The following MOB4 variants were observed in gnomAD, a reference collection of about 807,000 sequenced individuals.
MOB4 encodes MOB-like protein phocein.
MOB4 carries 4 observed loss-of-function variants against 32.2 expected under a neutral mutation model. The observed-to-expected ratio is 0.12, with a 90% CI of 0.06 to 0.28. The LOEUF (loss-of-function observed/expected upper bound fraction) is 0.28, where lower values mean the gene tolerates loss of function less well. MOB4 is among the 10% of genes least tolerant of loss of function. MOB4 has a pLI of 1.00. For missense variants in MOB4, 158 were observed against 271.2 expected, an observed-to-expected ratio of 0.58 and a Z score of 2.93; for synonymous variants, 88 against 88.1, an observed-to-expected ratio of 1.00 and a Z score of 0.01.
At chr2:197,520,074 G>A (rs1222424475) in intron 1 of MOB4, among the ~76,000 whole-genome samples, 1 of 152,008 alleles carries the variant, frequency 6.6e-6, no homozygotes. Flanking sequence ...TGCTACTATA[G>A]TTGAATCCTT....
At chr2:197,543,587 T>C (rs1445641685) in intron 5 of MOB4, among the ~76,000 whole-genome samples, 1 of 152,196 alleles carries the variant, frequency 6.6e-6, no homozygotes, top group African/African-American at 2.4e-5. Context: ...GTATGTATTA[T>C]GTGGAGTGAA....
chr2:197,546,890 T>C (rs2087004210), intron 5 of MOB4, among the ~76,000 whole-genome samples: 1 of 152,100 alleles, frequency 6.6e-6, no homozygotes. Context: ...ACACACATTT[T>C]GTATGTTCTG....
At chr2:197,516,019 C>T (rs775508893), upstream of MOB4, 4 of 1,498,180 alleles carry the variant, frequency 2.7e-6, no homozygotes, top group Non-Finnish European at 3.6e-6. Flanking sequence ...GCCGCTCTGC[C>T]CCGCCCCCCG....
intron 2 of MOB4, among the ~76,000 whole-genome samples, chr2:197,525,878 G>A (rs2086604122): frequency 6.6e-6 from 1 of 152,136 alleles, no homozygotes; most frequent in Non-Finnish European, 1.5e-5. Context: ...TGTACAGATG[G>A]TTATCTCTTT....
In MOB4 at chr2:197,538,239, TCA is replaced by T. The variant is rs1322674848; in HGVS notation, c.225-1869_225-1868del. 4.6e-5 allele frequency among the ~76,000 whole-genome samples: 7 copies of T among 152,214 alleles called. 1 individual carries two copies. The South Asian group carries it at 1.0e-3, about 23-fold the overall frequency. ...CATAAAACTTTACATGAAATATTTC[TCA>T]CAAGTATTTCATTTGTTCTGGTGCT... On this transcript the variant is annotated intron_variant, in intron 3 of 7. Coordinates refer to ENST00000323303, the MANE Select transcript of MOB4 (RefSeq NM_015387.5).
chr2:197,535,654 A>C, intron 3 of MOB4, 24 bp downstream of exon 3: 1 of 1,586,384 alleles, frequency 6.3e-7, no homozygotes, highest in South Asian at 1.2e-5. Context: ...TCAAAATACT[A>C]ATAGTACCTC....
chr2:197,549,929 C>G (rs1316381534), intron 6 of MOB4, among the ~76,000 whole-genome samples: 1 of 151,232 alleles, frequency 6.6e-6, no homozygotes, highest in Non-Finnish European at 1.5e-5. Flanking sequence ...AACAATAATT[C>G]CTTTCAGGAG....
chr2:197,550,700 A>C lies in MOB4; in HGVS notation c.*54A>C. 6.6e-7 allele frequency: 1 copy of C among 1,505,470 alleles called. No individual in the cohort carries two copies. Among genetic ancestry groups the C allele is most frequent in the South Asian group, 1.4e-5 (1 of 70,156 alleles). 93.3% of individuals were successfully genotyped at this position (1,505,470 alleles called of 1,614,324 possible). A position where few individuals can be genotyped will look rare whatever the true frequency, so the allele number is the denominator to read the frequency against. On this transcript the variant is annotated 3_prime_UTR_variant, in exon 8 of 8. Coordinates refer to ENST00000323303, the MANE Select transcript of MOB4 (RefSeq NM_015387.5). ...ATATAATTAACATTATGTACTGTAT[A>C]TATCATTTTAGACACATCAATCATG...
chr2:197,521,873 A>G (rs906383495), intron 1 of MOB4, among the ~76,000 whole-genome samples: 24 of 152,254 alleles, frequency 1.6e-4, no homozygotes, highest in African/African-American at 5.8e-4. Flanking sequence ...CATGCTCTAC[A>G]GTTTGTGCAG....
intron 2 of MOB4, among the ~76,000 whole-genome samples, chr2:197,534,634 C>A (rs1005193930): frequency 6.6e-6 from 1 of 152,144 alleles, no homozygotes; most frequent in African/African-American, 2.4e-5. Context: ...CCTCCGCCTC[C>A]CGGGTCCAAG....
chr2:197,533,950 AC>A, intron 2 of MOB4: 1 of 579,154 alleles, frequency 1.7e-6, no homozygotes. Context: ...TTGGAAAAGA[AC>A]CAAGCTGGGT....
chr2:197,515,950 C>T, upstream of MOB4: 3 of 875,838 alleles, frequency 3.4e-6, no homozygotes, highest in South Asian at 5.1e-5. Context: ...ACCCGGACGG[C>T]TCCCGGCGCA....
At chr2:197,541,419 A>T (rs909304118) in intron 5 of MOB4, among the ~76,000 whole-genome samples, 32 of 152,144 alleles carry the variant, frequency 2.1e-4, no homozygotes, top group Admixed American at 2.0e-4. Flanking sequence ...ATAGACCTTG[A>T]AGTGGTCATT....
At position 197,535,881 on chromosome 2, in the gene MOB4, C is replaced by A. The variant is rs570127063; in HGVS notation, c.224+251C>A. On this transcript the variant is annotated intron_variant, in intron 3 of 7. Coordinates refer to ENST00000323303, the MANE Select transcript of MOB4 (RefSeq NM_015387.5). ...TTGATAATTTGGACCTGCCTCTGCA[C>A]CTCTCTTCTTTTCTTTTCTTTTTTT... is the stretch of plus-strand genomic sequence containing the variant. Among the ~76,000 whole-genome samples the A allele has an allele frequency of 1.5e-3, 222 of 151,472 alleles. 1 individual carries two copies. The highest frequency in any genetic ancestry group is 4.9e-3 in the African/African-American group (203 of 41,362).
intron 2 of MOB4, chr2:197,534,028 C>T: frequency 2.2e-6 from 1 of 455,984 alleles, no homozygotes; most frequent in Non-Finnish European, 4.2e-6. Flanking sequence ...ATCATGTCAC[C>T]ATATCAAGCT....
intron 1 of MOB4, 149 bp downstream of exon 1, chr2:197,516,295 C>G (rs1044051229): frequency 6.9e-7 from 1 of 1,441,668 alleles, no homozygotes; most frequent in African/African-American, 1.5e-5. Context: ...GGAGCTGCAG[C>G]CCCTCAATTT....
chr2:197,516,156 C>G lies in MOB4; in HGVS notation c.60+10C>G. The G allele has an allele frequency of 6.3e-7, 1 of 1,596,774 alleles. No homozygotes were observed. Among genetic ancestry groups the G allele is most frequent in the South Asian group, 1.1e-5 (1 of 88,034 alleles). On this transcript the variant is annotated intron_variant, in intron 1 of 7. Coordinates refer to ENST00000323303, the MANE Select transcript of MOB4 (RefSeq NM_015387.5). Reference sequence around the variant, plus strand: ...GGGCACCAAGGCGCAGGTACCATGTCTGCACTTTTCTTGTCGGGCAACTAG... The same window carrying G: ...GGGCACCAAGGCGCAGGTACCATGTGTGCACTTTTCTTGTCGGGCAACTAG...
rs1416737482 is a variant in MOB4, at chr2:197,553,379, A to T, written c.*2733A>T. 6.6e-6 allele frequency: 1 copy of T among 151,784 alleles called. No homozygotes were observed. The highest frequency in any genetic ancestry group is 1.5e-5 in the Non-Finnish European group (1 of 68,014). 9.4% of individuals were successfully genotyped at this position (151,784 alleles called of 1,614,324 possible). On this transcript the variant is annotated 3_prime_UTR_variant, in exon 8 of 8. Transcript: ENST00000323303. ...CGGTGAGCTGAGATCGTGCCATTGCACTCCAGCCTGGGTAACGAGCAAAAC... is the reference window on the plus strand; with the variant it reads ...CGGTGAGCTGAGATCGTGCCATTGCTCTCCAGCCTGGGTAACGAGCAAAAC...
At chr2:197,539,505 A>G (rs1218933663) in intron 3 of MOB4, among the ~76,000 whole-genome samples, 1 of 151,940 alleles carries the variant, frequency 6.6e-6, no homozygotes, top group Non-Finnish European at 1.5e-5. Context: ...TTTTGTGGCG[A>G]TGGAGTTTCA....
Sources: allele counts gnomAD v4.1 joint callset (sites outside exome capture counted in the v4.1 genomes callset), GRCh38; gene constraint gnomAD v4.1.1; transcripts MANE v1.5; gene names NCBI Gene and HGNC (gene_info 2026-07-23, HGNC 2026-07-21).